The following SH3PXD2B variants were observed in gnomAD, a reference collection of about 807,000 sequenced individuals.
SH3PXD2B encodes SH3 and PX domain-containing protein 2B.
SH3PXD2B carries 37 observed loss-of-function variants against 73.1 expected under a neutral mutation model. The observed-to-expected ratio is 0.51, with a 90% CI of 0.39 to 0.67. The LOEUF is 0.67. Ranked by LOEUF, SH3PXD2B falls within the 30% of genes least tolerant of loss-of-function variation. The probability of loss-of-function intolerance (pLI) is 0.00; values close to 1 mark genes in which losing one functional copy is unlikely to be tolerated. For missense variants in SH3PXD2B, 1,053 were observed against 1,197.8 expected (o/e 0.88, Z 1.78); for synonymous variants, 457 against 480.5 (o/e 0.95, Z 0.64).
At chr5:172,348,677 A>ATCTATCTTATCTTATCTC (rs1757073862) in intron 10 of SH3PXD2B, among the ~76,000 whole-genome samples, 1 of 79,438 alleles carries the variant, frequency 1.3e-5, no homozygotes, top group Non-Finnish European at 2.9e-5. Context: ...CTATCTATCT[A>ATCTATCTTATCTTATCTC]TCTATCTATC....
chr5:172,345,953 A>G lies in SH3PXD2B; in HGVS notation c.1188+183T>C, dbSNP rs530359744. On this transcript the variant is annotated intron_variant, in intron 12 of 12. Transcript: ENST00000311601. ...TGGTGAGGGTTGTGCAACCCTGTGA[A>G]TATCATAAGCCGCTGAATTTTACAC... Among the ~76,000 whole-genome samples, 5 of 152,326 alleles carry G rather than the reference A, an allele frequency of 3.3e-5. No individual in the cohort carries two copies. In the East Asian group the frequency reaches 5.8e-4, roughly 18 times the overall value.
chr5:172,389,568 CAAAAAA>C (rs34351709), intron 4 of SH3PXD2B, among the ~76,000 whole-genome samples: 1 of 103,618 alleles, frequency 9.7e-6, no homozygotes, highest in Admixed American at 1.1e-4. Flanking sequence ...TCATCTCTAC[CAAAAAA>C]AAAAAAAAAA....
intron 1 of SH3PXD2B, among the ~76,000 whole-genome samples, chr5:172,438,412 C>T (rs1759443210): frequency 1.3e-5 from 2 of 152,162 alleles, no homozygotes; most frequent in South Asian, 4.1e-4. Context: ...ACCATGGTCC[C>T]CCCAGTGCCT....
chr5:172,343,972 A>G (rs1242987682), intron 12 of SH3PXD2B, among the ~76,000 whole-genome samples: 1 of 152,070 alleles, frequency 6.6e-6, no homozygotes, highest in Non-Finnish European at 1.5e-5. Flanking sequence ...GATAGAAAAA[A>G]AAAAAAGAAA....
intron 6 of SH3PXD2B, among the ~76,000 whole-genome samples, chr5:172,363,424 G>A (rs1254215332): frequency 6.6e-6 from 1 of 152,150 alleles, no homozygotes; most frequent in Non-Finnish European, 1.5e-5. Context: ...ACTCAATCTA[G>A]TCACAGAGAG....
At chr5:172,431,087 G>A (rs1342009366) in intron 1 of SH3PXD2B, among the ~76,000 whole-genome samples, 4 of 151,984 alleles carry the variant, frequency 2.6e-5, no homozygotes, top group African/African-American at 9.7e-5. Flanking sequence ...GGCTGGTCTC[G>A]AACTTCTGGT....
At chr5:172,375,824 C>T (rs1411440484) in intron 5 of SH3PXD2B, among the ~76,000 whole-genome samples, 1 of 152,094 alleles carries the variant, frequency 6.6e-6, no homozygotes, top group Non-Finnish European at 1.5e-5. Context: ...CATCTGTGTA[C>T]AAGTTTTTGT....
chr5:172,367,721 T>G (rs535364899), intron 6 of SH3PXD2B, among the ~76,000 whole-genome samples: 6 of 152,156 alleles, frequency 3.9e-5, no homozygotes, highest in African/African-American at 1.4e-4. Flanking sequence ...GGGATATAAG[T>G]GTGGAATTGT....
intron 12 of SH3PXD2B, among the ~76,000 whole-genome samples, chr5:172,343,539 G>A (rs1038978279): frequency 3.3e-5 from 5 of 152,144 alleles, no homozygotes; most frequent in African/African-American, 1.2e-4. Context: ...GGTGGCTCAC[G>A]CCTGCAATTC....
At chr5:172,422,622 C>G in intron 1 of SH3PXD2B, 126 bp from the exon 2 acceptor site, 1 of 848,808 alleles carries the variant, frequency 1.2e-6, no homozygotes, top group Non-Finnish European at 1.9e-6. Context: ...CTGCCAATGA[C>G]TGGCTGGACA....
chr5:172,347,084 G>A (rs1322245948), intron 11 of SH3PXD2B, among the ~76,000 whole-genome samples, 199 bp downstream of exon 11: 1 of 152,168 alleles, frequency 6.6e-6, no homozygotes, highest in African/African-American at 2.4e-5. Flanking sequence ...GGCCCCGCGG[G>A]CAAACTGTTT....
intron 1 of SH3PXD2B, among the ~76,000 whole-genome samples, chr5:172,433,546 A>G (rs1340255429): frequency 6.6e-6 from 1 of 152,194 alleles, no homozygotes; most frequent in Admixed American, 6.5e-5. Context: ...ACCCCAGGCC[A>G]GCATCTTCTC....
At chr5:172,327,324 G>A (rs748834608) in intron 12 of SH3PXD2B, among the ~76,000 whole-genome samples, 1 of 152,096 alleles carries the variant, frequency 6.6e-6, no homozygotes, top group Non-Finnish European at 1.5e-5. Context: ...TGAGGACATC[G>A]TTTTCGAAAG....
At chr5:172,371,661 CG>C (rs141920368) in intron 6 of SH3PXD2B, among the ~76,000 whole-genome samples, 6,303 of 152,282 alleles carry the variant, frequency 0.041, 206 homozygotes, top group South Asian at 0.2. Context: ...AGGTGAATGA[CG>C]TAACAGCAGT....
chr5:172,378,743 C>T (rs1235520783), intron 5 of SH3PXD2B, among the ~76,000 whole-genome samples: 1 of 152,126 alleles, frequency 6.6e-6, no homozygotes, highest in Non-Finnish European at 1.5e-5. Flanking sequence ...AGGCAAGGGG[C>T]AGAAAAACCT....
rs1385984839 is a variant in SH3PXD2B at position 172,445,140 on chromosome 5, C to T, written c.75+9138G>A. Among the ~76,000 whole-genome samples, 1 of 152,238 alleles carries T rather than the reference C, an allele frequency of 6.6e-6. No homozygotes were observed. The highest frequency in any genetic ancestry group is 1.9e-4 in the East Asian group (1 of 5,200). Reference sequence around the variant, plus strand: ...CAGGTCACCTCTGCAGTGCTGCCTTCCCCAGGACCAGGTCCCCCAGAAGCC... The same window carrying T: ...CAGGTCACCTCTGCAGTGCTGCCTTTCCCAGGACCAGGTCCCCCAGAAGCC... On this transcript the variant is annotated intron_variant, in intron 1 of 12. Transcript: ENST00000311601. This position sits in a 1 kb window ranked among gnomAD's most constrained non-coding sequence, Gnocchi z 5.2.
At chr5:172,422,831 C>T (rs1224947726) in intron 1 of SH3PXD2B, among the ~76,000 whole-genome samples, 2 of 152,206 alleles carry the variant, frequency 1.3e-5, no homozygotes, top group Non-Finnish European at 2.9e-5. Flanking sequence ...GGCTATCTTG[C>T]CAGTCATTCC....
intron 1 of SH3PXD2B, among the ~76,000 whole-genome samples, chr5:172,430,338 T>C (rs544710195): frequency 4.6e-4 from 70 of 152,328 alleles, no homozygotes; most frequent in Non-Finnish European, 8.4e-4. Flanking sequence ...GTCCTTTCTG[T>C]TCTCTGGGTC....
intron 3 of SH3PXD2B, among the ~76,000 whole-genome samples, chr5:172,395,243 A>G (rs1758268126): frequency 1.3e-5 from 2 of 152,242 alleles, no homozygotes; most frequent in East Asian, 1.9e-4. Flanking sequence ...CTGTCCTACC[A>G]ATCATGTGCT....
Sources: gnomAD v4.1 joint callset for allele counts (sites outside exome capture counted in the v4.1 genomes callset) on GRCh38, gnomAD v4.1.1 for gene constraint, Gnocchi (gnomAD v3.1) non-coding constraint, MANE v1.5 for transcripts, NCBI Gene and HGNC (gene_info 2026-07-23, HGNC 2026-07-21) for gene names.